The following ASTN2 variants were observed in gnomAD, a reference collection of about 807,000 sequenced individuals.
The protein encoded by ASTN2 is astrotactin-2.
A neutral mutation model predicts 139.8 loss-of-function variants in ASTN2; 54 were observed. The observed-to-expected ratio is 0.39, with a 90% CI of 0.31 to 0.48. ASTN2 has a LOEUF of 0.48. Among genes scored for constraint, ASTN2 ranks in the 20% least tolerant of loss-of-function variants. The pLI is 0.95. For synonymous variants in ASTN2, 756 were observed against 719.5 expected (o/e 1.05, Z -0.81); for missense variants, 1,565 against 1,725.1 (o/e 0.91, Z 1.64).
At chr9:116,734,492 CA>C (rs1330719297) in intron 13 of ASTN2, among the ~76,000 whole-genome samples, 5 of 151,972 alleles carry the variant, frequency 3.3e-5, no homozygotes, top group Non-Finnish European at 7.4e-5. Flanking sequence ...AGGTCTTTTC[CA>C]AATTAAATAT....
chr9:117,211,951 G>A (rs1242279595), intron 3 of ASTN2, among the ~76,000 whole-genome samples: 2 of 61,106 alleles, frequency 3.3e-5, no homozygotes, highest in African/African-American at 5.5e-5. Flanking sequence ...GCAATCTTGA[G>A]AAAAAAATAA....
chr9:116,779,866 T>A (rs1830173215), intron 13 of ASTN2, among the ~76,000 whole-genome samples: 2 of 152,312 alleles, frequency 1.3e-5, no homozygotes, highest in African/African-American at 4.8e-5. Flanking sequence ...GTCTCAGCCT[T>A]TCCTTCAACT....
chr9:116,589,836 C>A (rs577823829), intron 19 of ASTN2, among the ~76,000 whole-genome samples: 2 of 152,310 alleles, frequency 1.3e-5, no homozygotes, highest in Admixed American at 1.3e-4. Flanking sequence ...CATGATAAGT[C>A]CCCCTAGATG....
At chr9:117,296,709 C>T (rs1040499923) in intron 1 of ASTN2, among the ~76,000 whole-genome samples, 1 of 152,216 alleles carries the variant, frequency 6.6e-6, no homozygotes, top group Non-Finnish European at 1.5e-5. Context: ...AGAATTGGTG[C>T]ACCATGCCTT....
At chr9:117,146,145 C>T (rs537389361) in intron 3 of ASTN2, among the ~76,000 whole-genome samples, 1 of 152,082 alleles carries the variant, frequency 6.6e-6, no homozygotes, top group South Asian at 2.1e-4. Flanking sequence ...CCCTCCCGAC[C>T]CCATTCAGCA....
chr9:117,005,894 G>A (rs1259506100), intron 7 of ASTN2, among the ~76,000 whole-genome samples: 1 of 152,048 alleles, frequency 6.6e-6, no homozygotes, highest in Non-Finnish European at 1.5e-5. Flanking sequence ...AATTGAATCT[G>A]TGCCTTCTGT....
intron 2 of ASTN2, among the ~76,000 whole-genome samples, chr9:117,243,408 A>G (rs1339656551): frequency 6.6e-6 from 1 of 152,252 alleles, no homozygotes; most frequent in Non-Finnish European, 1.5e-5. Context: ...TCTCAAGCAT[A>G]GGTCTTCTCA....
chr9:116,939,664 G>A (rs1297719440), intron 10 of ASTN2, among the ~76,000 whole-genome samples: 1 of 151,934 alleles, frequency 6.6e-6, no homozygotes, highest in Non-Finnish European at 1.5e-5. Context: ...ATCTTGGGTG[G>A]CAAAAACCTA....
At chr9:117,288,186 C>G (rs1320281482) in intron 2 of ASTN2, among the ~76,000 whole-genome samples, 1 of 152,154 alleles carries the variant, frequency 6.6e-6, no homozygotes, top group African/African-American at 2.4e-5. Flanking sequence ...CAGAGTACTT[C>G]CTTGCTGCAT....
At chr9:116,921,892 T>C (rs112873613) in intron 10 of ASTN2, among the ~76,000 whole-genome samples, 6,630 of 152,230 alleles carry the variant, frequency 0.044, 306 homozygotes, top group African/African-American at 0.11. Context: ...ATGGGGATTA[T>C]GGGAATTAAA....
At chr9:116,883,545 G>A (rs1325206713) in intron 10 of ASTN2, among the ~76,000 whole-genome samples, 4 of 152,168 alleles carry the variant, frequency 2.6e-5, no homozygotes, top group Non-Finnish European at 5.9e-5. Context: ...GAGTTAAGGT[G>A]TCTTGTTTTC....
At chr9:117,336,230 C>T (rs985974336) in intron 1 of ASTN2, among the ~76,000 whole-genome samples, 9 of 152,134 alleles carry the variant, frequency 5.9e-5, no homozygotes, top group Admixed American at 3.9e-4. Context: ...CACTGGTGCA[C>T]AGCTCCCAAG....
intron 19 of ASTN2, among the ~76,000 whole-genome samples, chr9:116,534,504 T>C (rs1194956270): frequency 6.6e-6 from 1 of 152,250 alleles, no homozygotes; most frequent in Non-Finnish European, 1.5e-5. Context: ...CATTTAGTGC[T>C]ATAAATCTCC....
intron 1 of ASTN2, among the ~76,000 whole-genome samples, chr9:117,381,650 T>C (rs534307645): frequency 6.6e-6 from 1 of 152,284 alleles, no homozygotes; most frequent in South Asian, 2.1e-4. Context: ...GATGCCACCA[T>C]GCTTCCTGTA....
intron 6 of ASTN2, among the ~76,000 whole-genome samples, chr9:117,013,133 G>T (rs1463062010): frequency 6.6e-6 from 1 of 152,098 alleles, no homozygotes; most frequent in Non-Finnish European, 1.5e-5. Flanking sequence ...TGAAGTTGAG[G>T]TTCAGTGTGG....
At chr9:117,302,188 C>T (rs984874268) in intron 1 of ASTN2, among the ~76,000 whole-genome samples, 1 of 152,216 alleles carries the variant, frequency 6.6e-6, no homozygotes, top group East Asian at 1.9e-4. Flanking sequence ...GTTTCCAAGA[C>T]CCTTCCACCT....
At chr9:116,828,683 C>T (rs771567903) in intron 11 of ASTN2, among the ~76,000 whole-genome samples, 1 of 152,118 alleles carries the variant, frequency 6.6e-6, no homozygotes, top group Non-Finnish European at 1.5e-5. Context: ...TCTTATTCAA[C>T]ATAGCACTGG....
chr9:116,668,075 A>G (rs2131979138), intron 16 of ASTN2, among the ~76,000 whole-genome samples: 1 of 152,132 alleles, frequency 6.6e-6, no homozygotes, highest in Admixed American at 6.5e-5. Flanking sequence ...CTATTCATCC[A>G]TATCCCCTGC....
intron 19 of ASTN2, among the ~76,000 whole-genome samples, chr9:116,590,586 C>T (rs1015927594): frequency 6.6e-6 from 1 of 152,100 alleles, no homozygotes; most frequent in African/African-American, 2.4e-5. Context: ...GGGGCAGGTC[C>T]CCAGTGCAGC....
Sources: gnomAD v4.1 joint callset for allele counts (sites outside exome capture counted in the v4.1 genomes callset) on GRCh38, gnomAD v4.1.1 for gene constraint, MANE v1.5 for transcripts, NCBI Gene and HGNC (gene_info 2026-07-23, HGNC 2026-07-21) for gene names.